Variants in GABBR2 observed in about 807,000 individuals in gnomAD.
GABBR2 encodes the protein gamma-aminobutyric acid type B receptor subunit 2, also known as G-protein coupled receptor 51.
In GABBR2, 23 loss-of-function variants were observed where a neutral mutation model predicts 105.6. That is an observed-to-expected ratio of 0.22 (90% confidence interval 0.16 to 0.31). GABBR2 has a LOEUF of 0.31. Ranked by LOEUF, GABBR2 falls within the 10% of genes least tolerant of loss-of-function variation. GABBR2 has a pLI of 1.00. For missense variants in GABBR2, 734 were observed against 1,245.5 expected, an observed-to-expected ratio of 0.59 and a Z score of 6.18; for synonymous variants, 478 against 499.7, an observed-to-expected ratio of 0.96 and a Z score of 0.58.
At chr9:98,600,318 T>C (rs936999481) in intron 1 of GABBR2, among the ~76,000 whole-genome samples, 2 of 152,156 alleles carry the variant, frequency 1.3e-5, no homozygotes, top group African/African-American at 2.4e-5. Flanking sequence ...TATTTCTAGC[T>C]GACCTCCCCG....
At chr9:98,456,004 C>T (rs1317515601) in intron 6 of GABBR2, among the ~76,000 whole-genome samples, 1 of 152,200 alleles carries the variant, frequency 6.6e-6, no homozygotes, top group African/African-American at 2.4e-5. Context: ...TCAAGATACA[C>T]AGTGGGCAGA....
At chr9:98,485,814 G>T (rs1827035593) in intron 4 of GABBR2, among the ~76,000 whole-genome samples, 1 of 152,154 alleles carries the variant, frequency 6.6e-6, no homozygotes, top group African/African-American at 2.4e-5. Flanking sequence ...CTGCAGTGAG[G>T]GTGGGCTGCT....
rs534148055 is a variant in GABBR2, at chr9:98,409,814, C to T, written c.1237-3673G>A. Among the ~76,000 whole-genome samples, 11 of 152,276 alleles carry T rather than the reference C, an allele frequency of 7.2e-5. No individual in the cohort carries two copies. In the South Asian group the frequency reaches 2.1e-3, roughly 29 times the overall value. ...CACTGCATCACATTTTGACTTCTCC[C>T]GCTGCCCAGCGCTACTTGGCTTCCT... On this transcript the variant is annotated intron_variant, in intron 7 of 18. Coordinates refer to ENST00000259455, the MANE Select transcript of GABBR2 (RefSeq NM_005458.8).
intron 13 of GABBR2, among the ~76,000 whole-genome samples, chr9:98,312,317 C>T (rs1180736372): frequency 1.3e-5 from 2 of 152,186 alleles, no homozygotes; most frequent in Non-Finnish European, 2.9e-5. Context: ...TCTTTCATGT[C>T]ATTGTTTCTG....
At chr9:98,679,511 A>G (rs961904541) in intron 1 of GABBR2, among the ~76,000 whole-genome samples, 5 of 152,244 alleles carry the variant, frequency 3.3e-5, no homozygotes, top group African/African-American at 1.2e-4. Flanking sequence ...TAGAATTTCT[A>G]TGAAAAGGGC....
chr9:98,573,169 C>A (rs749992171), intron 2 of GABBR2, among the ~76,000 whole-genome samples: 1 of 152,188 alleles, frequency 6.6e-6, no homozygotes, highest in Non-Finnish European at 1.5e-5. Context: ...CCAGACCCTG[C>A]GCCAGACACT....
chr9:98,472,897 T>C (rs967439772), intron 6 of GABBR2, among the ~76,000 whole-genome samples: 1 of 152,188 alleles, frequency 6.6e-6, no homozygotes, highest in Non-Finnish European at 1.5e-5. Flanking sequence ...CATATATGTA[T>C]ACATAACATG....
chr9:98,624,481 C>A (rs1359399162), intron 1 of GABBR2, among the ~76,000 whole-genome samples: 1 of 152,142 alleles, frequency 6.6e-6, no homozygotes, highest in African/African-American at 2.4e-5. Flanking sequence ...ATACTGTCTT[C>A]CAGTAGAAAA....
chr9:98,526,186 T>C (rs1287659061), intron 3 of GABBR2, among the ~76,000 whole-genome samples: 1 of 152,202 alleles, frequency 6.6e-6, no homozygotes, highest in Non-Finnish European at 1.5e-5. Context: ...CCCAAAACAT[T>C]CTCCAATAGT....
chr9:98,693,138 C>T (rs539510757), intron 1 of GABBR2, among the ~76,000 whole-genome samples: 113 of 152,210 alleles, frequency 7.4e-4, no homozygotes, highest in Non-Finnish European at 1.5e-3. Context: ...CCACCCTCAG[C>T]TCCCTTCAGC....
intron 13 of GABBR2, among the ~76,000 whole-genome samples, chr9:98,324,885 T>C (rs1830893244): frequency 2.0e-5 from 3 of 152,142 alleles, no homozygotes; most frequent in African/African-American, 7.2e-5. Context: ...ATCTCTCATA[T>C]ACCCTCTGGC....
chr9:98,400,292 A>C (rs1832372385), intron 8 of GABBR2, among the ~76,000 whole-genome samples: 1 of 152,106 alleles, frequency 6.6e-6, no homozygotes, highest in African/African-American at 2.4e-5. Flanking sequence ...ATCCAAACTC[A>C]TTAGGAATCA....
chr9:98,586,212 T>C (rs998277076), intron 1 of GABBR2, among the ~76,000 whole-genome samples: 9 of 151,994 alleles, frequency 5.9e-5, no homozygotes, highest in Admixed American at 5.2e-4. Flanking sequence ...CACCTGCACA[T>C]AGCCCTCCTT....
At chr9:98,460,128 G>A (rs931525954) in intron 6 of GABBR2, among the ~76,000 whole-genome samples, 3 of 152,288 alleles carry the variant, frequency 2.0e-5, no homozygotes, top group African/African-American at 2.4e-5. Flanking sequence ...CAAGGTTGGC[G>A]GGAATGGTGG....
At chr9:98,517,660 G>A (rs1398031199) in intron 3 of GABBR2, among the ~76,000 whole-genome samples, 1 of 152,196 alleles carries the variant, frequency 6.6e-6, no homozygotes, top group Non-Finnish European at 1.5e-5. Context: ...CATCATGTTG[G>A]TTATTCCCAT....
intron 12 of GABBR2, among the ~76,000 whole-genome samples, chr9:98,363,394 T>C (rs1361078544): frequency 1.3e-5 from 2 of 152,238 alleles, no homozygotes; most frequent in Non-Finnish European, 2.9e-5. Flanking sequence ...CAGTGTCTCA[T>C]ATAAAAGCAA....
In GABBR2 at chr9:98,303,293, C is replaced by T. The variant is rs578253809; in HGVS notation, c.2360G>A (p.Arg787His). 8 of 1,614,154 alleles carry T rather than the reference C, an allele frequency of 5.0e-6. No homozygotes were observed. Among genetic ancestry groups the T allele is most frequent in the South Asian group, 2.2e-5 (2 of 91,088 alleles). The change falls in exon 16 of 19, where the codon CGC (arginine) becomes CAC (histidine). Residue 787 changes from arginine (R) to histidine (H), a missense_variant. Physicochemically the swap from Arg to His is conservative, Grantham distance 29. This residue lies in a region of GABBR2 where 91 missense variants were observed against 185.9 expected (regional missense o/e 0.49). Transcript: ENST00000259455. ...GTTTTCTGACTGTAGGCCCTCCAGGCGGGATGTGCTGGCTTGGTTCACACT... is the reference window on the plus strand; with the variant it reads ...GTTTTCTGACTGTAGGCCCTCCAGGTGGGATGTGCTGGCTTGGTTCACACT... ...VTSVNQASTS[R>H]LEGLQSENHR...
chr9:98,516,840 T>G (rs1827766089), intron 3 of GABBR2, among the ~76,000 whole-genome samples: 1 of 152,224 alleles, frequency 6.6e-6, no homozygotes, highest in African/African-American at 2.4e-5. Flanking sequence ...AGGATGCTTA[T>G]GCATCTGCAT....
At chr9:98,645,313 G>C (rs1830016517) in intron 1 of GABBR2, among the ~76,000 whole-genome samples, 1 of 152,206 alleles carries the variant, frequency 6.6e-6, no homozygotes, top group African/African-American at 2.4e-5. Context: ...GAGACTAAAA[G>C]CATAGCGTCC....
Sources: gnomAD v4.1 joint callset for allele counts (sites outside exome capture counted in the v4.1 genomes callset) on GRCh38, gnomAD v4.1.1 for gene constraint, gnomAD v4.1.1 regional missense constraint, MANE v1.5 for transcripts, NCBI Gene and HGNC (gene_info 2026-07-23, HGNC 2026-07-21) for gene names.